The following PPFIA3 variants were observed in gnomAD, a reference collection of about 807,000 sequenced individuals.
PPFIA3 encodes the protein PPFI scaffold protein A3.
A neutral mutation model predicts 145.8 loss-of-function variants in PPFIA3; 26 were observed. That is an observed-to-expected ratio of 0.18 (90% CI 0.13 to 0.25). The LOEUF (loss-of-function observed/expected upper bound fraction) is 0.25, where lower values mean the gene tolerates loss of function less well. PPFIA3 is among the 10% of genes least tolerant of loss of function. The probability of loss-of-function intolerance (pLI) is 1.00; values close to 1 mark genes in which losing one functional copy is unlikely to be tolerated. For missense variants in PPFIA3, 1,008 were observed against 1,587.8 expected (o/e 0.63, Z 6.21); for synonymous variants, 645 against 661.4 (o/e 0.98, Z 0.38).
chr19:49,128,421 A>T lies in PPFIA3; in HGVS notation c.295A>T (p.Arg99Trp). The change falls in exon 3 of 30, where the codon AGG becomes TGG. Residue 99 changes from arginine (R) to tryptophan (W), a missense_variant. By Grantham distance (101) the Arg-to-Trp change is moderately radical. Coordinates refer to ENST00000334186, the MANE Select transcript of PPFIA3 (RefSeq NM_003660.4). This position sits in a 1 kb window ranked among gnomAD's most constrained non-coding sequence, Gnocchi z 4.1. ...LNLCREQLLE[R>W]EEEIAELKAE... ...CTTATGTCGGGAGCAGCTGCTGGAG[A>T]GGGAGGAAGAGATTGCAGAGCTGAA... The T allele has an allele frequency of 6.4e-7, 1 of 1,573,308 alleles. No individual in the cohort carries two copies. The highest frequency in any genetic ancestry group is 8.6e-7 in the Non-Finnish European group (1 of 1,157,878).
At chr19:49,142,151 C>A (rs1425037334) in intron 20 of PPFIA3, 36 bp downstream of exon 20, 1 of 1,536,966 alleles carries the variant, frequency 6.5e-7, no homozygotes, top group Admixed American at 2.0e-5. Context: ...CTGTTGGTCC[C>A]CAACCCCTCT....
chr19:49,147,708 G>GAGAA (rs1426232460), intron 23 of PPFIA3, among the ~76,000 whole-genome samples: 1 of 142,698 alleles, frequency 7.0e-6, no homozygotes, highest in Non-Finnish European at 1.5e-5. Flanking sequence ...GAGAGAGAGA[G>GAGAA]AGAAAGAGAG....
intron 13 of PPFIA3, among the ~76,000 whole-genome samples, chr19:49,135,506 G>A (rs539117966): frequency 3.3e-4 from 51 of 152,304 alleles, no homozygotes; most frequent in Admixed American, 1.7e-3. Flanking sequence ...TAGAGTGGCA[G>A]GGATTACAGG....
chr19:49,137,012 C>G lies in PPFIA3; in HGVS notation c.1853+101C>G. ...GAAAGCCTGAGTCCGTCTCCTCTTA[C>G]ACCATCCACAAGGAATTCTTCCAGC... On this transcript the variant is annotated intron_variant, in intron 15 of 29. Coordinates refer to ENST00000334186, the MANE Select transcript of PPFIA3 (RefSeq NM_003660.4). 9.7e-6 allele frequency: 11 copies of G among 1,139,222 alleles called. No homozygotes were observed. The South Asian group carries it at 1.4e-4, about 15-fold the overall frequency. The allele number at this position is 1,139,222 out of a possible 1,614,324, so 70.6% of individuals were successfully genotyped here.
chr19:49,143,508 G>A (rs937348931), intron 21 of PPFIA3, among the ~76,000 whole-genome samples: 5 of 152,086 alleles, frequency 3.3e-5, no homozygotes, highest in African/African-American at 7.2e-5. Context: ...GAGTAGCTGG[G>A]ATTACAGGCG....
At position 49,133,921 on chromosome 19, in the gene PPFIA3, C is replaced by T. The variant is rs377745353; in HGVS notation, c.1245+42C>T. 52 of 1,608,880 alleles carry T rather than the reference C, an allele frequency of 3.2e-5. No individual in the cohort carries two copies. In the Admixed American group the frequency reaches 4.3e-4, roughly 13 times the overall value. On this transcript the variant is annotated intron_variant, in intron 10 of 29. Coordinates refer to ENST00000334186, the MANE Select transcript of PPFIA3 (RefSeq NM_003660.4). The surrounding 1 kb of genome is among the most constrained non-coding windows in gnomAD (Gnocchi z 7.2). ...CTGCACAGAGGGTGGGGCTTCGAGG[C>T]TGGGGCGGAGCTTAATAAGGAGGCT...
rs143496485 is a variant in PPFIA3, at chr19:49,147,686, AAGAGAGAGAG to A, written c.2836-381_2836-372del. ...GGGTGACATAGCAGACTCTTTCAGA[AAGAGAGAGAG>A]AGAGAGAGAGAGAGAAAGAGAGAAA... On this transcript the variant is annotated intron_variant, in intron 23 of 29. Coordinates refer to ENST00000334186, the MANE Select transcript of PPFIA3 (RefSeq NM_003660.4). Among the ~76,000 whole-genome samples the A allele has an allele frequency of 2.9e-3, 418 of 145,818 alleles. 6 individuals are homozygous for A. The highest frequency in any genetic ancestry group is 0.015 in the South Asian group (67 of 4,590).
intron 1 of PPFIA3, among the ~76,000 whole-genome samples, chr19:49,123,323 C>T (rs2040959619): frequency 6.6e-6 from 1 of 152,140 alleles, no homozygotes; most frequent in South Asian, 2.1e-4. Context: ...GCCACCACGC[C>T]CGGCCTGTTA....
intron 1 of PPFIA3, among the ~76,000 whole-genome samples, chr19:49,126,178 G>C (rs950524207): frequency 1.3e-5 from 2 of 151,894 alleles, no homozygotes; most frequent in African/African-American, 4.8e-5. Context: ...TCAATCTCTT[G>C]ACCTCGTGAT....
intron 14 of PPFIA3, 108 bp downstream of exon 14, chr19:49,136,031 G>A: frequency 7.7e-7 from 1 of 1,300,974 alleles, no homozygotes; most frequent in East Asian, 2.8e-5. Flanking sequence ...TGAGAGGCAG[G>A]ATCTCTTGGA....
At chr19:49,143,091 T>G (rs1366460940) in intron 21 of PPFIA3, 87 bp downstream of exon 21, 3 of 1,414,164 alleles carry the variant, frequency 2.1e-6, no homozygotes, top group African/African-American at 1.4e-5. Context: ...GCCTGCTCAC[T>G]CCCCTGTCCC....
intron 24 of PPFIA3, 165 bp downstream of exon 24, chr19:49,148,423 C>A: frequency 1.2e-6 from 1 of 854,606 alleles, no homozygotes; most frequent in Non-Finnish European, 1.8e-6. Flanking sequence ...ATGAGATGGT[C>A]CACAGGAAAA....
rs1482222537 is a variant in PPFIA3, at chr19:49,120,274, GGGGATCCCCCC to G, written c.-16+554_-16+564del. On this transcript the variant is annotated intron_variant, in intron 1 of 29. Transcript: ENST00000334186. The surrounding 1 kb of genome is among the most constrained non-coding windows in gnomAD (Gnocchi z 4.6). ...ACCAGGGAGGGGGCGCAGGCGGCGC[GGGGATCCCCCC>G]GCCGCGCCTTTGACCCGGGAATACC... 6.6e-6 allele frequency among the ~76,000 whole-genome samples: 1 copy of G among 151,910 alleles called. No individual in the cohort carries two copies. Among genetic ancestry groups the G allele is most frequent in the Non-Finnish European group, 1.5e-5 (1 of 67,890 alleles).
At chr19:49,139,525 C>T in intron 16 of PPFIA3, 143 bp from the exon 17 acceptor site, 1 of 730,498 alleles carries the variant, frequency 1.4e-6, no homozygotes, top group East Asian at 3.1e-5. Context: ...TGCAACTCAC[C>T]CTGACTTGAG....
At chr19:49,131,028 ATTTTTTT>A (rs33934210) in intron 7 of PPFIA3, among the ~76,000 whole-genome samples, 1 of 134,360 alleles carries the variant, frequency 7.4e-6, no homozygotes, top group Admixed American at 7.5e-5. Context: ...TGCACCGCTA[ATTTTTTT>A]TTTTTTTTTT....
chr19:49,123,553 T>C (rs1035572980), intron 1 of PPFIA3, among the ~76,000 whole-genome samples: 4 of 152,024 alleles, frequency 2.6e-5, no homozygotes, highest in African/African-American at 7.2e-5. Flanking sequence ...CAAATTCTCC[T>C]GCCTCAGCCC....
intron 15 of PPFIA3, 63 bp downstream of exon 15, chr19:49,136,974 G>C (rs2041146284): frequency 7.1e-7 from 1 of 1,403,134 alleles, no homozygotes; most frequent in African/African-American, 1.4e-5. Flanking sequence ...AGCCCTTCTG[G>C]CTCTGGAGGC....
chr19:49,134,245 C>T, intron 11 of PPFIA3, 80 bp downstream of exon 11: 17 of 1,522,552 alleles, frequency 1.1e-5, no homozygotes, highest in Non-Finnish European at 1.5e-5. Context: ...CAGGCCTTTC[C>T]CTCAGATCTG....
chr19:49,123,232 A>G (rs1404538843), intron 1 of PPFIA3, among the ~76,000 whole-genome samples: 1 of 148,384 alleles, frequency 6.7e-6, no homozygotes, highest in Non-Finnish European at 1.5e-5. Context: ...GGGTTTTGCC[A>G]TGTTGGCCAG....
Sources: allele counts gnomAD v4.1 joint callset (sites outside exome capture counted in the v4.1 genomes callset), GRCh38; gene constraint gnomAD v4.1.1; non-coding constraint Gnocchi (gnomAD v3.1); transcripts MANE v1.5; gene names NCBI Gene and HGNC (gene_info 2026-07-23, HGNC 2026-07-21).